The following SPEF2 variants were observed in gnomAD, a reference collection of about 807,000 sequenced individuals.
The protein encoded by SPEF2 is sperm flagella and cilia-associated protein 2.
In SPEF2, 187 loss-of-function variants were observed where a neutral mutation model predicts 224.6. That is an observed-to-expected ratio of 0.83 (90% CI 0.74 to 0.94). The LOEUF (loss-of-function observed/expected upper bound fraction) is 0.94. SPEF2 is among the 40% of genes least tolerant of loss of function. The pLI, the probability that SPEF2 is intolerant of heterozygous loss-of-function variation, is 0.00. For missense variants in SPEF2, 2,170 were observed against 2,135.6 expected (o/e 1.02, Z -0.32); for synonymous variants, 715 against 707.3 (o/e 1.01, Z -0.17).
intron 32 of SPEF2, among the ~76,000 whole-genome samples, chr5:35,793,648 A>G (rs1756255834): frequency 6.6e-6 from 1 of 152,100 alleles, no homozygotes; most frequent in Admixed American, 6.6e-5. Flanking sequence ...TTGGCTGTAC[A>G]TTAGAATCAT....
At chr5:35,666,449 T>G (rs1434998224) in intron 8 of SPEF2, among the ~76,000 whole-genome samples, 1 of 152,048 alleles carries the variant, frequency 6.6e-6, no homozygotes, top group African/African-American at 2.4e-5. Flanking sequence ...TTCATTGCTT[T>G]CTACATAAAT....
chr5:35,807,652 A>G (rs1758244278), intron 36 of SPEF2: 3 of 1,535,734 alleles, frequency 2.0e-6, no homozygotes, highest in Admixed American at 3.9e-5. Context: ...CACATCATCT[A>G]TGTAGTGGAA....
chr5:35,738,646 T>C (rs1020718400), intron 21 of SPEF2, among the ~76,000 whole-genome samples: 1 of 151,074 alleles, frequency 6.6e-6, no homozygotes, highest in African/African-American at 2.4e-5. Flanking sequence ...TTGACATCCA[T>C]CTAGGGGAAA....
chr5:35,738,382 A>G (rs960527079), intron 21 of SPEF2, among the ~76,000 whole-genome samples: 15 of 151,622 alleles, frequency 9.9e-5, no homozygotes, highest in Non-Finnish European at 2.1e-4. Flanking sequence ...TCTTGAATTA[A>G]TTTTTGTATA....
intron 10 of SPEF2, among the ~76,000 whole-genome samples, chr5:35,676,238 C>G (rs1222239853): frequency 6.6e-6 from 1 of 152,114 alleles, no homozygotes; most frequent in Non-Finnish European, 1.5e-5. Context: ...CTCTTCCAAG[C>G]TCCCTCCTCT....
intron 24 of SPEF2, among the ~76,000 whole-genome samples, chr5:35,757,462 A>G (rs1404990502): frequency 1.3e-5 from 2 of 152,124 alleles, no homozygotes; most frequent in Non-Finnish European, 2.9e-5. Flanking sequence ...ATACAATGCT[A>G]TGGTTTAATG....
intron 20 of SPEF2, among the ~76,000 whole-genome samples, chr5:35,713,787 AGTG>A (rs372841681): frequency 1.4e-5 from 1 of 70,368 alleles, no homozygotes; most frequent in Non-Finnish European, 2.8e-5. Context: ...TATTATATAT[AGTG>A]TTATATATTT....
intron 6 of SPEF2, among the ~76,000 whole-genome samples, chr5:35,653,808 G>C (rs1001596759): frequency 1.5e-4 from 22 of 151,686 alleles, no homozygotes; most frequent in African/African-American, 5.1e-4. Context: ...TTAGCCGGGC[G>C]TGGTGGCGTG....
intron 21 of SPEF2, among the ~76,000 whole-genome samples, chr5:35,733,002 T>C (rs962620754): frequency 1.8e-4 from 27 of 152,308 alleles, no homozygotes; most frequent in African/African-American, 5.8e-4. Context: ...ACATATAGGG[T>C]TTAGTACTAT....
At chr5:35,666,468 C>A (rs1750475696) in intron 8 of SPEF2, among the ~76,000 whole-genome samples, 1 of 74,832 alleles carries the variant, frequency 1.3e-5, no homozygotes, top group Non-Finnish European at 2.5e-5. Flanking sequence ...ATAGATGTTC[C>A]TACAAATGAA....
chr5:35,788,611 A>G, intron 30 of SPEF2: 1 of 702,986 alleles, frequency 1.4e-6, no homozygotes, highest in Non-Finnish European at 2.6e-6. Flanking sequence ...AGAAAACTCT[A>G]GAGATAAATC....
chr5:35,710,850 A>G, intron 19 of SPEF2: 1 of 985,410 alleles, frequency 1.0e-6, no homozygotes, highest in Non-Finnish European at 1.2e-6. Flanking sequence ...GTTGCTTTAA[A>G]GAGTGGTTGT....
intron 23 of SPEF2, among the ~76,000 whole-genome samples, chr5:35,748,419 CCATTCG>C (rs1429632317): frequency 6.6e-6 from 1 of 151,936 alleles, no homozygotes; most frequent in African/African-American, 2.4e-5. Flanking sequence ...AATTGATAGA[CCATTCG>C]CAAGATTAAC....
intron 1 of SPEF2, among the ~76,000 whole-genome samples, chr5:35,620,231 C>T (rs1193941065): frequency 1.3e-5 from 2 of 152,046 alleles, no homozygotes; most frequent in African/African-American, 4.8e-5. Flanking sequence ...GTGTGGTGCA[C>T]AATGGAAGGC....
At chr5:35,732,993 C>T (rs1745894110) in intron 21 of SPEF2, among the ~76,000 whole-genome samples, 1 of 152,128 alleles carries the variant, frequency 6.6e-6, no homozygotes, top group Non-Finnish European at 1.5e-5. Context: ...AAACATTGTA[C>T]ATATAGGGTT....
At chr5:35,800,276 C>A in intron 34 of SPEF2, 129 bp downstream of exon 34, 1 of 963,244 alleles carries the variant, frequency 1.0e-6, no homozygotes, top group Non-Finnish European at 1.5e-6. Context: ...ATGCTTTACA[C>A]ATACTAGGTC....
chr5:35,710,521 C>T, intron 19 of SPEF2: 1 of 930,138 alleles, frequency 1.1e-6, no homozygotes, highest in Non-Finnish European at 1.3e-6. Flanking sequence ...TGCCCCACTG[C>T]ACTCTAGCCT....
chr5:35,636,059 C>G (rs1745791354), intron 2 of SPEF2, among the ~76,000 whole-genome samples: 1 of 152,000 alleles, frequency 6.6e-6, no homozygotes, highest in Admixed American at 6.6e-5. Flanking sequence ...TGTGTCAATT[C>G]AGATTATTAC....
At chr5:35,700,071 GCTC>G in intron 15 of SPEF2, 1 of 171,076 alleles carries the variant, frequency 5.8e-6, no homozygotes, top group Non-Finnish European at 1.3e-5. Flanking sequence ...CTCTGCACAA[GCTC>G]TCGATTTGCC....
Sources: allele counts gnomAD v4.1 joint callset (sites outside exome capture counted in the v4.1 genomes callset), GRCh38; gene constraint gnomAD v4.1.1; transcripts MANE v1.5; gene names NCBI Gene and HGNC (gene_info 2026-07-23, HGNC 2026-07-21).